The following FBXL4 variants were observed in gnomAD, a reference collection of about 807,000 sequenced individuals.
FBXL4 encodes F-box and leucine rich repeat protein 4, also known as F-box/LRR-repeat protein 4.
Under a neutral mutation model 58.9 loss-of-function variants are expected in FBXL4, and 40 were observed. The ratio of observed to expected loss-of-function variants is 0.68; its 90% confidence interval spans 0.53 to 0.88. The LOEUF (loss-of-function observed/expected upper bound fraction) is 0.88, where lower values mean the gene tolerates loss of function less well. Among genes scored for constraint, FBXL4 ranks in the 40% least tolerant of loss-of-function variants. FBXL4 has a pLI of 0.00. For missense variants in FBXL4, 676 were observed against 734.4 expected, an observed-to-expected ratio of 0.92 and a Z score of 0.92; for synonymous variants, 263 against 265.5, an observed-to-expected ratio of 0.99 and a Z score of 0.09.
In FBXL4 at chr6:98,871,640, G is replaced by A. The variant is rs561174146; in HGVS notation, c.*2638C>T. 1 of 152,252 alleles carries A rather than the reference G, an allele frequency of 6.6e-6. No homozygotes were observed. Among genetic ancestry groups the A allele is most frequent in the South Asian group, 2.1e-4 (1 of 4,828 alleles). The allele number at this position is 152,252 out of a possible 1,614,324, so 9.4% of individuals were successfully genotyped here. On this transcript the variant is annotated 3_prime_UTR_variant, in exon 10 of 10. Coordinates refer to ENST00000369244, the MANE Select transcript of FBXL4 (RefSeq NM_001278716.2). Reference sequence around the variant, plus strand: ...TATTTAAAATCTATGGTTATTTACTGTATTATTCATCAGCAGGTACTTTGT... The same window carrying A: ...TATTTAAAATCTATGGTTATTTACTATATTATTCATCAGCAGGTACTTTGT...
In FBXL4 at chr6:98,903,169, T is replaced by C. The variant is rs1159114524; in HGVS notation, c.1103+2257A>G. On this transcript the variant is annotated intron_variant, in intron 6 of 9. Transcript: ENST00000369244. ...TATTACAAATAAGTCTTCTTCATAG[T>C]ACTGAGCATAAATAGACCATACTTA... 2.0e-5 allele frequency among the ~76,000 whole-genome samples: 3 copies of C among 152,152 alleles called. No homozygotes were observed. In the East Asian group the frequency reaches 5.8e-4, roughly 29 times the overall value.
chr6:98,877,318 C>G (rs1248499297), intron 8 of FBXL4, among the ~76,000 whole-genome samples: 2 of 151,906 alleles, frequency 1.3e-5, no homozygotes, highest in Non-Finnish European at 2.9e-5. Context: ...AATTAGCTTA[C>G]TTAGAAAAAA....
At chr6:98,915,576 T>TA (rs1222994086) in intron 5 of FBXL4, among the ~76,000 whole-genome samples, 34 of 151,596 alleles carry the variant, frequency 2.2e-4, no homozygotes, top group African/African-American at 8.2e-4. Context: ...GGGAAAGGAT[T>TA]CCCTATTTAA....
At chr6:98,919,505 A>G (rs13209641) in intron 4 of FBXL4, among the ~76,000 whole-genome samples, 7,462 of 152,192 alleles carry the variant, frequency 0.049, 252 homozygotes, top group Middle Eastern at 0.12. Flanking sequence ...CAAAGAATAG[A>G]GCAGGCTGTG....
At chr6:98,880,082 T>C (rs1308689866) in intron 8 of FBXL4, among the ~76,000 whole-genome samples, 3 of 152,138 alleles carry the variant, frequency 2.0e-5, no homozygotes, top group Non-Finnish European at 4.4e-5. Flanking sequence ...TTAATCTTTC[T>C]GTTTTGACCA....
intron 7 of FBXL4, among the ~76,000 whole-genome samples, chr6:98,893,681 T>C (rs1379236856): frequency 6.6e-6 from 1 of 152,196 alleles, no homozygotes; most frequent in Non-Finnish European, 1.5e-5. Context: ...TGTCTTTCAC[T>C]TATAATGCCC....
chr6:98,901,233 T>A (rs1203604326), intron 6 of FBXL4, among the ~76,000 whole-genome samples: 2 of 151,872 alleles, frequency 1.3e-5, no homozygotes, highest in Non-Finnish European at 2.9e-5. Flanking sequence ...GCTTCAGAGA[T>A]GTGGTGAGTA....
intron 5 of FBXL4, among the ~76,000 whole-genome samples, chr6:98,912,890 TAAAG>T (rs762799566): frequency 5.9e-5 from 9 of 151,908 alleles, no homozygotes; most frequent in Non-Finnish European, 1.2e-4. Flanking sequence ...GCAAATTGGA[TAAAG>T]AGTCAAGACC....
intron 1 of FBXL4, among the ~76,000 whole-genome samples, chr6:98,935,682 G>A (rs1773187600): frequency 2.7e-5 from 4 of 150,940 alleles, no homozygotes; most frequent in African/African-American, 9.8e-5. Flanking sequence ...CCAGCTACTC[G>A]GGAGGCTGAG....
chr6:98,875,186 A>G (rs1441004682), intron 9 of FBXL4: 2 of 529,814 alleles, frequency 3.8e-6, no homozygotes, highest in Admixed American at 3.3e-5. Flanking sequence ...AGTTTTTTAC[A>G]GTTTCAACTA....
intron 5 of FBXL4, among the ~76,000 whole-genome samples, chr6:98,909,227 A>T (rs959753401): frequency 6.6e-5 from 10 of 152,172 alleles, no homozygotes; most frequent in African/African-American, 2.4e-4. Context: ...GGCTGAAGGG[A>T]TAAAATGCAA....
intron 6 of FBXL4, among the ~76,000 whole-genome samples, chr6:98,900,443 T>C (rs1475235878): frequency 6.6e-6 from 1 of 152,170 alleles, no homozygotes; most frequent in Non-Finnish European, 1.5e-5. Context: ...CTAAATCAGA[T>C]TAGTTGTGTA....
At chr6:98,895,007 T>C (rs1470255911) in intron 7 of FBXL4, among the ~76,000 whole-genome samples, 1 of 152,186 alleles carries the variant, frequency 6.6e-6, no homozygotes, top group Admixed American at 6.5e-5. Flanking sequence ...GGTCTCATTC[T>C]TACTGAGTCA....
chr6:98,903,216 A>G (rs1375712495), intron 6 of FBXL4, among the ~76,000 whole-genome samples: 2 of 152,136 alleles, frequency 1.3e-5, no homozygotes, highest in Non-Finnish European at 2.9e-5. Context: ...TTCATTAATA[A>G]TCAAGCCATG....
intron 1 of FBXL4, among the ~76,000 whole-genome samples, chr6:98,937,432 T>C (rs1773263055): frequency 6.6e-6 from 1 of 152,224 alleles, no homozygotes; most frequent in South Asian, 2.1e-4. Flanking sequence ...AATTTATGCT[T>C]ATAATAAAGT....
intron 1 of FBXL4, among the ~76,000 whole-genome samples, chr6:98,935,217 T>A (rs1773162245): frequency 6.6e-6 from 1 of 151,698 alleles, no homozygotes; most frequent in African/African-American, 2.4e-5. Context: ...TCATAATCAA[T>A]CTTTAGTAGC....
At chr6:98,923,614 G>A (rs977431497) in intron 4 of FBXL4, among the ~76,000 whole-genome samples, 1 of 152,136 alleles carries the variant, frequency 6.6e-6, no homozygotes, top group African/African-American at 2.4e-5. Flanking sequence ...CCTTCTCTGA[G>A]CCCACAGATT....
intron 5 of FBXL4, among the ~76,000 whole-genome samples, chr6:98,915,455 C>T (rs1772302895): frequency 6.6e-6 from 1 of 151,870 alleles, no homozygotes; most frequent in South Asian, 2.1e-4. Flanking sequence ...CAGCATGGTA[C>T]TGGTACCAAA....
At chr6:98,880,691 T>C in intron 7 of FBXL4, 67 bp from the exon 8 acceptor site, 2 of 1,317,808 alleles carry the variant, frequency 1.5e-6, no homozygotes, top group Admixed American at 1.7e-5. Flanking sequence ...AGAGAAGAGG[T>C]CAATTAGACA....
Sources: allele counts gnomAD v4.1 joint callset (sites outside exome capture counted in the v4.1 genomes callset), GRCh38; gene constraint gnomAD v4.1.1; transcripts MANE v1.5; gene names NCBI Gene and HGNC (gene_info 2026-07-23, HGNC 2026-07-21).